RNF144A: variants seen among roughly 807,000 people sequenced by gnomAD.
The protein encoded by RNF144A is ring finger protein 144A.
RNF144A carries 11 observed loss-of-function variants against 38.7 expected under a neutral mutation model. The observed-to-expected ratio is 0.28, with a 90% CI of 0.18 to 0.47. The LOEUF (loss-of-function observed/expected upper bound fraction) is 0.47. Among genes scored for constraint, RNF144A ranks in the 20% least tolerant of loss-of-function variants. RNF144A has a pLI of 0.99. For synonymous variants in RNF144A, 149 were observed against 143.9 expected, an observed-to-expected ratio of 1.04 and a Z score of -0.25; for missense variants, 316 against 377.2, an observed-to-expected ratio of 0.84 and a Z score of 1.34.
At chr2:6,924,539 C>T (rs574501290) in intron 1 of RNF144A, among the ~76,000 whole-genome samples, 1 of 152,258 alleles carries the variant, frequency 6.6e-6, no homozygotes, top group South Asian at 2.1e-4. Flanking sequence ...CAGAGCAGGG[C>T]AAAGACCCAG....
chr2:6,937,276 C>CTGG (rs1665653732), intron 1 of RNF144A, among the ~76,000 whole-genome samples: 1 of 152,234 alleles, frequency 6.6e-6, no homozygotes. Flanking sequence ...CGCCCATTTG[C>CTGG]TGGTGCTGAG....
chr2:6,995,837 C>T (rs1669701874), intron 2 of RNF144A, among the ~76,000 whole-genome samples: 1 of 152,198 alleles, frequency 6.6e-6, no homozygotes, highest in South Asian at 2.1e-4. Context: ...TACTTTGCAT[C>T]CTTCAATCCA....
intron 2 of RNF144A, among the ~76,000 whole-genome samples, chr2:6,959,547 G>T (rs893133920): frequency 6.6e-6 from 1 of 152,158 alleles, no homozygotes; most frequent in East Asian, 1.9e-4. Context: ...CCGGGATCAG[G>T]TGACCTCATG....
At chr2:7,009,066 C>T (rs1454603881) in intron 3 of RNF144A, among the ~76,000 whole-genome samples, 1 of 152,060 alleles carries the variant, frequency 6.6e-6, no homozygotes, top group East Asian at 1.9e-4. Context: ...TACCCCTGGC[C>T]TTATCTACAC....
rs1175230214 is a variant in RNF144A at position 6,944,713 on chromosome 2, A to T, written c.-12+3566A>T. Among the ~76,000 whole-genome samples, 1 of 152,084 alleles carries T rather than the reference A, an allele frequency of 6.6e-6. No homozygotes were observed. The highest frequency in any genetic ancestry group is 1.9e-4 in the East Asian group (1 of 5,196). ...TAAAGAACCCTGGAGAAAACACATC[A>T]CGAGGCCAAGTAGAATTTTGTGTTC... is the stretch of plus-strand genomic sequence containing the variant. On this transcript the variant is annotated intron_variant, in intron 2 of 8. Transcript: ENST00000320892. The surrounding 1 kb of genome is among the most constrained non-coding windows in gnomAD (Gnocchi z 4.7).
chr2:6,936,784 G>A, intron 1 of RNF144A, among the ~76,000 whole-genome samples: 1 of 151,762 alleles, frequency 6.6e-6, no homozygotes, highest in East Asian at 1.9e-4. Flanking sequence ...CACACTGTTA[G>A]GAAATGAGAA....
chr2:6,986,557 A>AC (rs1376518004), intron 2 of RNF144A, among the ~76,000 whole-genome samples: 1 of 151,948 alleles, frequency 6.6e-6, no homozygotes, highest in East Asian at 1.9e-4. Flanking sequence ...AGTCTCCCAC[A>AC]CCCCACAGTG....
chr2:7,046,978 T>C (rs1450333012), downstream of RNF144A, among the ~76,000 whole-genome samples: 3 of 152,254 alleles, frequency 2.0e-5, no homozygotes, highest in African/African-American at 7.2e-5. Flanking sequence ...AGGGGTAGTC[T>C]CTTCTCACTT....
rs115733293 is a variant in RNF144A at position 6,939,224 on chromosome 2, C to G, written c.-211-1724C>G. Among the ~76,000 whole-genome samples, 844 of 152,350 alleles carry G rather than the reference C, an allele frequency of 5.5e-3. 5 individuals carry two copies. Among genetic ancestry groups the G allele is most frequent in the African/African-American group, 0.019 (808 of 41,582 alleles). On this transcript the variant is annotated intron_variant, in intron 1 of 8. Transcript: ENST00000320892. The stretch of plus-strand genomic sequence containing the variant: ...CAGCAATGTGTAAGGGTTCACATTT[C>G]TCCACATTCTTGTCTACACTTGTTA...
At chr2:6,979,295 G>A (rs1218865700) in intron 2 of RNF144A, among the ~76,000 whole-genome samples, 1 of 152,122 alleles carries the variant, frequency 6.6e-6, no homozygotes, top group Non-Finnish European at 1.5e-5. Flanking sequence ...GATGAGATGA[G>A]ATATTTTTTT....
intron 2 of RNF144A, chr2:6,996,646 C>T (rs778173533): frequency 2.6e-6 from 1 of 379,164 alleles, no homozygotes; most frequent in African/African-American, 2.0e-5. Flanking sequence ...CCTAGCTACT[C>T]AGGAGGCTGA....
intron 1 of RNF144A, among the ~76,000 whole-genome samples, chr2:6,926,783 A>C (rs1385704213): frequency 6.6e-6 from 1 of 152,210 alleles, no homozygotes; most frequent in Non-Finnish European, 1.5e-5. Context: ...ATTCATGAAT[A>C]TCTTACTCTT....
At chr2:6,921,314 C>A (rs1192058431) in intron 1 of RNF144A, among the ~76,000 whole-genome samples, 1 of 152,212 alleles carries the variant, frequency 6.6e-6, no homozygotes, top group African/African-American at 2.4e-5. Context: ...GTGTTCCAGA[C>A]AAAAGCAAGC....
At chr2:6,933,431 G>C (rs1297039320) in intron 1 of RNF144A, among the ~76,000 whole-genome samples, 1 of 152,192 alleles carries the variant, frequency 6.6e-6, no homozygotes, top group Non-Finnish European at 1.5e-5. Context: ...GCAAAGAAAT[G>C]CTGTCTTTTT....
In RNF144A at chr2:6,946,846, C is replaced by T. The variant is rs115575888; in HGVS notation, c.-12+5699C>T. On this transcript the variant is annotated intron_variant, in intron 2 of 8. Coordinates refer to ENST00000320892, the MANE Select transcript of RNF144A (RefSeq NM_014746.6). ...TTAGTATAGTCTCTTGATGTGTTTC[C>T]CAGAAACTGGACTTGAATGACTAAT... 3.1e-3 allele frequency among the ~76,000 whole-genome samples: 466 copies of T among 152,064 alleles called. 4 individuals are homozygous for T. Among genetic ancestry groups the T allele is most frequent in the African/African-American group, 0.011 (448 of 41,484 alleles).
rs1185164999 is a variant in RNF144A at position 7,043,730 on chromosome 2, A to G, written c.*3970A>G. On this transcript the variant is annotated 3_prime_UTR_variant, in exon 9 of 9. Transcript: ENST00000320892. ...GATGTTTAAAAAACCCAGGGTCTCC[A>G]CCCTTCCTTTGATTTGTGCAATTCT... 2.0e-6 allele frequency: 2 copies of G among 985,706 alleles called. No individual in the cohort carries two copies. Among genetic ancestry groups the G allele is most frequent in the African/African-American group, 3.5e-5 (2 of 57,220 alleles). 61.1% of individuals were successfully genotyped at this position (985,706 alleles called of 1,614,324 possible).
At chr2:7,025,796 T>C (rs1416392452) in intron 7 of RNF144A, among the ~76,000 whole-genome samples, 1 of 152,252 alleles carries the variant, frequency 6.6e-6, no homozygotes, top group Non-Finnish European at 1.5e-5. Context: ...GATATATTTA[T>C]GTCTGTTCTG....
At chr2:6,965,098 T>A (rs1572283619) in intron 2 of RNF144A, among the ~76,000 whole-genome samples, 1 of 152,278 alleles carries the variant, frequency 6.6e-6, no homozygotes, top group Non-Finnish European at 1.5e-5. Context: ...GTGCCCTGTT[T>A]GGAATTGTCC....
chr2:6,991,786 T>C (rs920814065), intron 2 of RNF144A, among the ~76,000 whole-genome samples: 1 of 152,068 alleles, frequency 6.6e-6, no homozygotes, highest in East Asian at 1.9e-4. Flanking sequence ...ATAATATATA[T>C]ACACACACAC....
Sources: gnomAD v4.1 joint callset for allele counts (sites outside exome capture counted in the v4.1 genomes callset) on GRCh38, gnomAD v4.1.1 for gene constraint, Gnocchi (gnomAD v3.1) non-coding constraint, MANE v1.5 for transcripts, NCBI Gene and HGNC (gene_info 2026-07-23, HGNC 2026-07-21) for gene names.